The following TERT variants were observed in gnomAD, a reference collection of about 807,000 sequenced individuals.
TERT encodes telomerase reverse transcriptase.
In TERT, 42 loss-of-function variants were observed where a neutral mutation model predicts 104.0. The ratio of observed to expected loss-of-function variants is 0.40; its 90% CI spans 0.32 to 0.52. The LOEUF (loss-of-function observed/expected upper bound fraction) is 0.52. TERT is among the 20% of genes least tolerant of loss of function. TERT has a pLI of 0.43. For synonymous variants in TERT, 781 were observed against 725.6 expected, an observed-to-expected ratio of 1.08 and a Z score of -1.23; for missense variants, 1,101 against 1,610.3, an observed-to-expected ratio of 0.68 and a Z score of 5.41.
rs193201091 is a variant in TERT, at chr5:1,292,356, C to T, written c.1573+957G>A. ...CGGCAGGGCCCAGCAGCACCATCCC[C>T]TGAACACCCACAAACACTGTCCCTT... On this transcript the variant is annotated intron_variant, in intron 2 of 15. Transcript: ENST00000310581. The surrounding 1 kb of genome is among the most constrained non-coding windows in gnomAD (Gnocchi z 5.5). Among the ~76,000 whole-genome samples, 245 of 152,238 alleles carry T rather than the reference C, an allele frequency of 1.6e-3. No individual in the cohort carries two copies. The highest frequency in any genetic ancestry group is 2.8e-3 in the Non-Finnish European group (189 of 68,014).
rs1236322637 is a variant in TERT, at chr5:1,264,578, C to A, written c.2669G>T (p.Gly890Val). ...CACCACGCAGCCATACTCAGGGACA[C>A]CTCGGACCAGGGTCCTAAGGCAGAG... The part of the protein sequence containing the change: ...AKTFLRTLVR[G>V]VPEYGCVVNL... Residue 890 changes from glycine to valine, a missense_variant, in exon 11 of 16, where the codon GGT (glycine) becomes GTT (valine). Gly to Val is a moderately radical substitution (Grantham distance 109, BLOSUM62 -3). Transcript: ENST00000310581. The A allele has an allele frequency of 6.2e-7, 1 of 1,613,992 alleles. No individual in the cohort carries two copies. The highest frequency in any genetic ancestry group is 8.5e-7 in the Non-Finnish European group (1 of 1,180,026).
chr5:1,270,947 G>A lies in TERT; in HGVS notation c.2468+172C>T, dbSNP rs1045799407. On this transcript the variant is annotated intron_variant, in intron 8 of 15. Transcript: ENST00000310581. The surrounding 1 kb of genome is among the most constrained non-coding windows in gnomAD (Gnocchi z 8.3). ...CTGCCGCAAGCCGAGCCATGTTTCC[G>A]GGGCCTCGGGAGCCTGCAGCCCAGG... is the stretch of plus-strand genomic sequence containing the variant. Among the ~76,000 whole-genome samples, 2 of 152,198 alleles carry A rather than the reference G, an allele frequency of 1.3e-5. No individual in the cohort carries two copies. The highest frequency in any genetic ancestry group is 2.9e-5 in the Non-Finnish European group (2 of 68,042).
chr5:1,276,964 A>G (rs1045998984), intron 6 of TERT, among the ~76,000 whole-genome samples: 6 of 152,260 alleles, frequency 3.9e-5, no homozygotes, highest in Non-Finnish European at 8.8e-5. Context: ...CAGTGCACGC[A>G]TGTGATGCCA....
At position 1,263,681 on chromosome 5, in the gene TERT, T is replaced by C. The variant is rs1473793838; in HGVS notation, c.2843+723A>G. ...TCGGCCTCCCAAAGTGCTGGGATTA[T>C]AGGTGTGAGCCACCTTGCCCTGCCT... On this transcript the variant is annotated intron_variant, in intron 11 of 15. Coordinates refer to ENST00000310581, the MANE Select transcript of TERT (RefSeq NM_198253.3). The surrounding 1 kb of genome is among the most constrained non-coding windows in gnomAD (Gnocchi z 5.3). 1.3e-5 allele frequency among the ~76,000 whole-genome samples: 2 copies of C among 152,214 alleles called. No individual in the cohort carries two copies. Among genetic ancestry groups the C allele is most frequent in the African/African-American group, 4.8e-5 (2 of 41,460 alleles).
At chr5:1,267,651 G>A (rs1381733417) in intron 9 of TERT, among the ~76,000 whole-genome samples, 2 of 152,214 alleles carry the variant, frequency 1.3e-5, no homozygotes, top group African/African-American at 2.4e-5. Context: ...ATACTATGCA[G>A]TCATAAAAAA....
Position 1,274,884 on chromosome 5 carries a change from G to A in TERT, c.2287-2604C>T, listed in dbSNP as rs1367509911. Among the ~76,000 whole-genome samples the A allele has an allele frequency of 6.6e-6, 1 of 152,196 alleles. No individual in the cohort carries two copies. ...AAACAACAATAAACAAAGCCTAAAG[G>A]AAATGGAAGGAGGCCATCGATAAAC... On this transcript the variant is annotated intron_variant, in intron 6 of 15. Coordinates refer to ENST00000310581, the MANE Select transcript of TERT (RefSeq NM_198253.3). The surrounding 1 kb of genome is among the most constrained non-coding windows in gnomAD (Gnocchi z 5.3).
chr5:1,264,303 C>T, intron 11 of TERT, 101 bp downstream of exon 11: 2 of 1,307,878 alleles, frequency 1.5e-6, no homozygotes, highest in East Asian at 2.5e-5. Context: ...TTGGGATTGG[C>T]AGTCGCCTGC....
rs532660823 is a variant in TERT, at chr5:1,268,452, T to A, written c.2582+68A>T. 17 of 1,214,096 alleles carry A rather than the reference T, an allele frequency of 1.4e-5. No individual in the cohort carries two copies. Among genetic ancestry groups the A allele is most frequent in the Non-Finnish European group, 1.8e-5 (15 of 831,296 alleles). 75.2% of individuals were successfully genotyped at this position (1,214,096 alleles called of 1,614,324 possible). On this transcript the variant is annotated intron_variant, in intron 9 of 15. Coordinates refer to ENST00000310581, the MANE Select transcript of TERT (RefSeq NM_198253.3). The surrounding 1 kb of genome is among the most constrained non-coding windows in gnomAD (Gnocchi z 5.5). Reference sequence around the variant, plus strand: ...CATGGTCTCCAGAGCACCAGGAATATTAACACTGAATGCATCAAAAGCAAA... The same window carrying A: ...CATGGTCTCCAGAGCACCAGGAATAATAACACTGAATGCATCAAAAGCAAA...
intron 6 of TERT, among the ~76,000 whole-genome samples, chr5:1,275,838 C>T (rs13170656): frequency 2.6e-4 from 31 of 118,076 alleles, no homozygotes; most frequent in African/African-American, 7.9e-4. Context: ...GAAAACCAAT[C>T]CCACAGATCC....
chr5:1,285,447 G>A (rs1451849714), intron 2 of TERT, among the ~76,000 whole-genome samples: 1 of 152,140 alleles, frequency 6.6e-6, no homozygotes, highest in Non-Finnish European at 1.5e-5. Flanking sequence ...TCCTGTGAGT[G>A]ATGCTCCCAC....
Position 1,265,563 on chromosome 5 carries a change from T to C in TERT, c.2654+901A>G, listed in dbSNP as rs942547624. Among the ~76,000 whole-genome samples the C allele has an allele frequency of 6.6e-6, 1 of 151,938 alleles. No homozygotes were observed. Among genetic ancestry groups the C allele is most frequent in the Non-Finnish European group, 1.5e-5 (1 of 67,968 alleles). On this transcript the variant is annotated intron_variant, in intron 10 of 15. Transcript: ENST00000310581. This position sits in a 1 kb window ranked among gnomAD's most constrained non-coding sequence, Gnocchi z 6.9. Reference sequence around the variant, plus strand: ...ACCTGGGCTCCCCCCGAGTGAATCTTAGTGGATTTAAATGTGCACAGCCTG... The same window carrying C: ...ACCTGGGCTCCCCCCGAGTGAATCTCAGTGGATTTAAATGTGCACAGCCTG...
At position 1,288,974 on chromosome 5, in the gene TERT, C is replaced by T. The variant is rs1273211435; in HGVS notation, c.1573+4339G>A. Among the ~76,000 whole-genome samples the T allele has an allele frequency of 6.6e-6, 1 of 152,156 alleles. No individual in the cohort carries two copies. On this transcript the variant is annotated intron_variant, in intron 2 of 15. Transcript: ENST00000310581. This position sits in a 1 kb window ranked among gnomAD's most constrained non-coding sequence, Gnocchi z 5.3. ...AAGATAGGCTTGGGGACCAGCACTGCGCCTGCACCATCTACCCAGGCAATG... is the reference window on the plus strand; with the variant it reads ...AAGATAGGCTTGGGGACCAGCACTGTGCCTGCACCATCTACCCAGGCAATG...
chr5:1,264,659 T>C (rs971799285), intron 10 of TERT, 67 bp from the exon 11 acceptor site: 13 of 1,571,394 alleles, frequency 8.3e-6, no homozygotes, highest in Middle Eastern at 1.7e-4. Flanking sequence ...CCTGACACCC[T>C]TGTTAAATGC....
At position 1,288,372 on chromosome 5, in the gene TERT, C is replaced by T. The variant is rs1217539177; in HGVS notation, c.1573+4941G>A. Among the ~76,000 whole-genome samples the T allele has an allele frequency of 2.0e-5, 3 of 152,116 alleles. No individual in the cohort carries two copies. Among genetic ancestry groups the T allele is most frequent in the African/African-American group, 7.2e-5 (3 of 41,412 alleles). ...AAAGCATACAATGGAGAGATAGAAA[C>T]GTCAGAGGTAAATCAGTGAAATTCA... On this transcript the variant is annotated intron_variant, in intron 2 of 15. Coordinates refer to ENST00000310581, the MANE Select transcript of TERT (RefSeq NM_198253.3). The surrounding 1 kb of genome is among the most constrained non-coding windows in gnomAD (Gnocchi z 5.3).
At chr5:1,266,745 G>T (rs1272993334) in intron 9 of TERT, among the ~76,000 whole-genome samples, 1 of 152,202 alleles carries the variant, frequency 6.6e-6, no homozygotes, top group Non-Finnish European at 1.5e-5. Flanking sequence ...TAAGTACTCA[G>T]TGTTTACCAT....
rs1170336173 is a variant in TERT, at chr5:1,285,565, A to ATT, written c.1574-2943_1574-2942dup. Among the ~76,000 whole-genome samples the ATT allele has an allele frequency of 1.1e-3, 91 of 82,182 alleles. 2 individuals carry two copies. Among genetic ancestry groups the ATT allele is most frequent in the Middle Eastern group, 0.01 (1 of 100 alleles). 53.9% of individuals were successfully genotyped at this position (82,182 alleles called of 152,430 possible). On this transcript the variant is annotated intron_variant, in intron 2 of 15. Transcript: ENST00000310581. ...TTACTTTTTTAATGTGGCTACTAGA[A>ATT]TTTTTTTTTTTTTTTTTTTTTTTGA...
rs971155828 is a variant in TERT, at chr5:1,270,630, C to G, written c.2468+489G>C. 6.6e-6 allele frequency among the ~76,000 whole-genome samples: 1 copy of G among 152,200 alleles called. No individual in the cohort carries two copies. Among genetic ancestry groups the G allele is most frequent in the African/African-American group, 2.4e-5 (1 of 41,460 alleles). ...AACTACACGGTCAACCCCGCACTTT[C>G]CAGATGGGAAATCTAGTCACAGAGA... On this transcript the variant is annotated intron_variant, in intron 8 of 15. Coordinates refer to ENST00000310581, the MANE Select transcript of TERT (RefSeq NM_198253.3). The surrounding 1 kb of genome is among the most constrained non-coding windows in gnomAD (Gnocchi z 8.3).
intron 2 of TERT, among the ~76,000 whole-genome samples, chr5:1,291,500 GAGAGGGACACCCGGGGACA>G: frequency 9.5e-6 from 1 of 105,426 alleles, no homozygotes; most frequent in African/African-American, 4.1e-5. Context: ...CCCTACACCT[GAGAGGGACACCCGGGGACA>G]GTGCCTCACT....
intron 11 of TERT, 68 bp from the exon 12 acceptor site, chr5:1,260,668 G>C (rs1748169014): frequency 6.2e-7 from 1 of 1,601,844 alleles, no homozygotes; most frequent in East Asian, 2.2e-5. Flanking sequence ...TGCAAAGCTT[G>C]CTCCAAAGAG....
Sources: allele counts gnomAD v4.1 joint callset (sites outside exome capture counted in the v4.1 genomes callset), GRCh38; gene constraint gnomAD v4.1.1; non-coding constraint Gnocchi (gnomAD v3.1); transcripts MANE v1.5; gene names NCBI Gene and HGNC (gene_info 2026-07-23, HGNC 2026-07-21).